C2CD5: variants seen among roughly 807,000 people sequenced by gnomAD.
C2CD5 encodes C2 domain-containing protein 5.
A neutral mutation model predicts 130.3 loss-of-function variants in C2CD5; 109 were observed. The observed-to-expected ratio is 0.84, with a 90% CI of 0.72 to 0.98. C2CD5 has a LOEUF of 0.98. Among genes scored for constraint, C2CD5 ranks in the 50% least tolerant of loss-of-function variants. C2CD5 has a pLI of 0.00. For missense variants in C2CD5, 996 were observed against 1,261.8 expected, an observed-to-expected ratio of 0.79 and a Z score of 3.19; for synonymous variants, 454 against 429.2, an observed-to-expected ratio of 1.06 and a Z score of -0.71.
At chr12:22,488,170 T>G (rs1945818265) in intron 12 of C2CD5, among the ~76,000 whole-genome samples, 1 of 151,966 alleles carries the variant, frequency 6.6e-6, no homozygotes, top group Admixed American at 6.6e-5. Context: ...GTTGTGCACA[T>G]GTACCCTAAA....
At chr12:22,523,395 A>C in intron 7 of C2CD5, 31 bp downstream of exon 7, 1 of 1,552,090 alleles carries the variant, frequency 6.4e-7, no homozygotes, top group Middle Eastern at 1.7e-4. Context: ...TAAAAATCTT[A>C]GCAAGAACAA....
rs543451012 is a variant in C2CD5 at position 22,506,896 on chromosome 12, A to G, written c.1039-77T>C. On this transcript the variant is annotated intron_variant, in intron 9 of 26. Transcript: ENST00000446597. The stretch of plus-strand genomic sequence containing the variant: ...AAATTTGCTTATTAAAAAGCTTGCC[A>G]TAGCAACTGTATTACATCCCTTGAA... 8 of 827,896 alleles carry G rather than the reference A, an allele frequency of 9.7e-6. No individual in the cohort carries two copies. In the African/African-American group the frequency reaches 1.0e-4, roughly 10 times the overall value. 51.3% of individuals were successfully genotyped at this position (827,896 alleles called of 1,614,324 possible).
chr12:22,531,995 C>A (rs1951324235), intron 3 of C2CD5, among the ~76,000 whole-genome samples: 1 of 152,196 alleles, frequency 6.6e-6, no homozygotes, highest in South Asian at 2.1e-4. Flanking sequence ...TTTAAACCCA[C>A]TTTCTGCCAA....
chr12:22,460,471 AAATT>A (rs986403740), intron 22 of C2CD5: 2 of 146,072 alleles, frequency 1.4e-5, no homozygotes, highest in Non-Finnish European at 2.9e-5. Flanking sequence ...TAACATTCTT[AAATT>A]AATAAAAAAA....
chr12:22,474,653 G>T, intron 16 of C2CD5, 98 bp downstream of exon 16: 3 of 789,884 alleles, frequency 3.8e-6, no homozygotes, highest in Non-Finnish European at 3.8e-6. Context: ...ATTTATAACA[G>T]TTGTAATGAT....
chr12:22,542,625 C>G (rs11046463), intron 2 of C2CD5, among the ~76,000 whole-genome samples: 1,645 of 152,352 alleles, frequency 0.011, 33 homozygotes, highest in African/African-American at 0.037. Flanking sequence ...AGAAGCCTTT[C>G]TCAACCTTCA....
At chr12:22,490,738 C>T (rs1298424640) in intron 11 of C2CD5, among the ~76,000 whole-genome samples, 1 of 152,022 alleles carries the variant, frequency 6.6e-6, no homozygotes, top group African/African-American at 2.4e-5. Context: ...GCTTAAACTA[C>T]ATCATCATAT....
chr12:22,527,259 A>G (rs954095740), intron 4 of C2CD5, among the ~76,000 whole-genome samples: 3 of 151,298 alleles, frequency 2.0e-5, no homozygotes, highest in African/African-American at 7.3e-5. Context: ...CAATTTTACT[A>G]ACAATAATTT....
Position 22,525,593 on chromosome 12 carries a change from A to C in C2CD5, c.445+17T>G, listed in dbSNP as rs370478616. 10 of 1,115,862 alleles carry C rather than the reference A, an allele frequency of 9.0e-6. No homozygotes were observed. In the African/African-American group the frequency reaches 1.4e-4, roughly 15 times the overall value. The allele number at this position is 1,115,862 out of a possible 1,614,324, so 69.1% of individuals were successfully genotyped here. A position where few individuals can be genotyped will look rare whatever the true frequency, so the allele number is the denominator to read the frequency against. On this transcript the variant is annotated intron_variant, in intron 5 of 26. Transcript: ENST00000446597. ...GTTATTACATTTCCTGTTGAGTAAT[A>C]GAATGTATTTACTTACTGCAAAAGA... is the stretch of plus-strand genomic sequence containing the variant.
chr12:22,483,628 G>A (rs74068602), intron 13 of C2CD5, among the ~76,000 whole-genome samples: 2,786 of 152,092 alleles, frequency 0.018, 106 homozygotes, highest in African/African-American at 0.064. Context: ...AAGGCAAAAG[G>A]AAAACAATCC....
chr12:22,487,292 T>C (rs1323231078), intron 12 of C2CD5, among the ~76,000 whole-genome samples: 1 of 152,152 alleles, frequency 6.6e-6, no homozygotes, highest in African/African-American at 2.4e-5. Flanking sequence ...GAGAAAATTT[T>C]TGCAATCTAT....
rs752914937 is a variant in C2CD5, at chr12:22,527,330, ATT to A, written c.349+389_349+390del. On this transcript the variant is annotated intron_variant, in intron 4 of 26. Transcript: ENST00000446597. ...ATATATTATATACATATATATATAT[ATT>A]TTTTTTTTTTTTTTTTGAGCTAGAG... Among the ~76,000 whole-genome samples, 268 of 138,116 alleles carry A rather than the reference ATT, an allele frequency of 1.9e-3. 4 individuals carry two copies. The highest frequency in any genetic ancestry group is 3.7e-3 in the Middle Eastern group (1 of 270). 90.6% of individuals were successfully genotyped at this position (138,116 alleles called of 152,430 possible).
At chr12:22,467,718 A>G (rs377737110) in intron 22 of C2CD5, among the ~76,000 whole-genome samples, 4 of 152,286 alleles carry the variant, frequency 2.6e-5, no homozygotes, top group East Asian at 1.9e-4. Context: ...GTCCCTCTCA[A>G]TTCTCCCTAA....
Position 22,518,545 on chromosome 12 carries a change from A to C in C2CD5, c.801-408T>G, listed in dbSNP as rs114310043. Among the ~76,000 whole-genome samples the C allele has an allele frequency of 7.6e-3, 1,151 of 152,314 alleles. 17 individuals are homozygous for C. The highest frequency in any genetic ancestry group is 0.026 in the African/African-American group (1,066 of 41,554). On this transcript the variant is annotated intron_variant, in intron 7 of 26. Coordinates refer to ENST00000446597, the MANE Select transcript of C2CD5 (RefSeq NM_001286176.2). ...TATTTGCACACACACAGATATCCTCAAAAGAAAAAAATGTTTCCTTATCCT... is the reference window on the plus strand; with the variant it reads ...TATTTGCACACACACAGATATCCTCCAAAGAAAAAAATGTTTCCTTATCCT...
At chr12:22,506,631 G>T in intron 10 of C2CD5, 80 bp downstream of exon 10, 2 of 782,916 alleles carry the variant, frequency 2.6e-6, no homozygotes, top group Non-Finnish European at 4.4e-6. Flanking sequence ...AGTTAGATTT[G>T]GCTTTAAAAA....
intron 10 of C2CD5, chr12:22,497,581 G>T: frequency 1.0e-6 from 1 of 958,862 alleles, no homozygotes; most frequent in Non-Finnish European, 1.2e-6. Flanking sequence ...CCAAATACCT[G>T]AAAGTAACAT....
At chr12:22,536,258 T>C (rs112529670) in intron 2 of C2CD5, among the ~76,000 whole-genome samples, 11 of 151,460 alleles carry the variant, frequency 7.3e-5, no homozygotes, top group African/African-American at 2.4e-4. Flanking sequence ...GCAGAAGAGG[T>C]TGGTTAAAGG....
chr12:22,471,328 T>C (rs1591982559), intron 20 of C2CD5, 71 bp downstream of exon 20: 1 of 873,018 alleles, frequency 1.1e-6, no homozygotes, highest in Non-Finnish European at 1.8e-6. Flanking sequence ...ACGGCAAAAT[T>C]ATGATAAACA....
intron 10 of C2CD5, among the ~76,000 whole-genome samples, chr12:22,499,510 C>T (rs553677504): frequency 4.6e-5 from 7 of 152,264 alleles, no homozygotes; most frequent in East Asian, 1.9e-4. Flanking sequence ...TAAAAGAGTA[C>T]GTGGCATGTA....
Sources: allele counts gnomAD v4.1 joint callset (sites outside exome capture counted in the v4.1 genomes callset), GRCh38; gene constraint gnomAD v4.1.1; transcripts MANE v1.5; gene names NCBI Gene and HGNC (gene_info 2026-07-23, HGNC 2026-07-21).